The following DCDC2 variants were observed in gnomAD, a reference collection of about 807,000 sequenced individuals.
DCDC2 encodes the protein doublecortin domain-containing protein 2.
In DCDC2, 40 loss-of-function variants were observed where a neutral mutation model predicts 50.2. That is an observed-to-expected ratio of 0.80 (90% CI 0.62 to 1.04). The LOEUF is 1.04. Ranked by LOEUF, DCDC2 falls within the 50% of genes least tolerant of loss-of-function variation. The pLI is 0.00. For missense variants in DCDC2, 570 were observed against 581.9 expected, an observed-to-expected ratio of 0.98 and a Z score of 0.21; for synonymous variants, 234 against 210.6, an observed-to-expected ratio of 1.11 and a Z score of -0.96.
intron 8 of DCDC2, among the ~76,000 whole-genome samples, chr6:24,199,875 AT>A: frequency 6.6e-6 from 1 of 152,318 alleles, no homozygotes; most frequent in South Asian, 2.1e-4. Flanking sequence ...ATACGCAAGT[AT>A]CAATAGCTGA....
chr6:24,374,325 C>T, the DCDC2 span, among the ~76,000 whole-genome samples: 7 of 151,716 alleles, frequency 4.6e-5, no homozygotes, highest in Admixed American at 2.0e-4. Flanking sequence ...CCCAGTACTT[C>T]GGGAGGCCAA....
chr6:24,301,167 C>T (rs539851637), intron 4 of DCDC2, among the ~76,000 whole-genome samples: 26 of 151,776 alleles, frequency 1.7e-4, no homozygotes, highest in Admixed American at 2.6e-4. Context: ...GTCAGGAGAT[C>T]GAGCCCATCC....
intron 2 of DCDC2, among the ~76,000 whole-genome samples, chr6:24,349,159 G>A (rs1037126006): frequency 3.3e-5 from 5 of 152,162 alleles, no homozygotes; most frequent in East Asian, 3.9e-4. Flanking sequence ...GCAGAAGGAC[G>A]CTTCCATTTG....
upstream of DCDC2, among the ~76,000 whole-genome samples, chr6:24,362,384 TTA>T (rs1760682011): frequency 6.9e-6 from 1 of 143,986 alleles, no homozygotes; most frequent in African/African-American, 2.5e-5. Context: ...GTTTATACAA[TTA>T]TTTTTTATTT....
chr6:24,274,738 C>G (rs1763315469), intron 7 of DCDC2, among the ~76,000 whole-genome samples: 1 of 150,966 alleles, frequency 6.6e-6, no homozygotes, highest in African/African-American at 2.4e-5. Flanking sequence ...CAGTAAATAT[C>G]AGATATTTTT....
intron 8 of DCDC2, among the ~76,000 whole-genome samples, chr6:24,204,313 A>T (rs573502967): frequency 6.6e-6 from 1 of 152,366 alleles, no homozygotes; most frequent in East Asian, 1.9e-4. Flanking sequence ...AGCCATAAAA[A>T]AGGATGTGTT....
chr6:24,297,704 G>A (rs1759282742), intron 4 of DCDC2, among the ~76,000 whole-genome samples: 1 of 151,464 alleles, frequency 6.6e-6, no homozygotes, highest in Non-Finnish European at 1.5e-5. Context: ...AATTATATAT[G>A]TAAAAAAAAT....
chr6:24,258,016 C>T (rs919283183), intron 7 of DCDC2, among the ~76,000 whole-genome samples: 22 of 151,956 alleles, frequency 1.4e-4, no homozygotes, highest in African/African-American at 9.7e-5. Context: ...AGAGGAGACA[C>T]GGAGGGGATT....
At chr6:24,261,103 A>G (rs1762999041) in intron 7 of DCDC2, among the ~76,000 whole-genome samples, 1 of 152,016 alleles carries the variant, frequency 6.6e-6, no homozygotes, top group African/African-American at 2.4e-5. Flanking sequence ...TCATTTTAAG[A>G]TTGCAAAATT....
chr6:24,211,551 T>C (rs1761871213), intron 7 of DCDC2, among the ~76,000 whole-genome samples: 1 of 152,170 alleles, frequency 6.6e-6, no homozygotes, highest in African/African-American at 2.4e-5. Context: ...TTGTGGCTTA[T>C]TCATGTGAAC....
At chr6:24,242,000 C>T (rs1387226687) in intron 7 of DCDC2, among the ~76,000 whole-genome samples, 1 of 152,032 alleles carries the variant, frequency 6.6e-6, no homozygotes, top group African/African-American at 2.4e-5. Flanking sequence ...AGCAAGACCC[C>T]ATCTCTACCA....
chr6:24,243,549 T>C lies in DCDC2; in HGVS notation c.922+34500A>G, dbSNP rs541516366. Among the ~76,000 whole-genome samples, 3 of 144,112 alleles carry C rather than the reference T, an allele frequency of 2.1e-5. No individual in the cohort carries two copies. In the East Asian group the frequency reaches 5.8e-4, roughly 28 times the overall value. The allele number at this position is 144,112 out of a possible 152,430, so 94.5% of individuals were successfully genotyped here. ...GCCATCTTATGAGTGTTAGCTATTGTTATTATTATTATGGCTCTCATTTTT... is the reference window on the plus strand; with the variant it reads ...GCCATCTTATGAGTGTTAGCTATTGCTATTATTATTATGGCTCTCATTTTT... On this transcript the variant is annotated intron_variant, in intron 7 of 9. Transcript: ENST00000378454.
chr6:24,314,452 G>A (rs778378280), intron 2 of DCDC2, among the ~76,000 whole-genome samples: 4 of 151,860 alleles, frequency 2.6e-5, no homozygotes, highest in Non-Finnish European at 5.9e-5. Context: ...ATTCCAGTCT[G>A]GGCAACAGAG....
At chr6:24,232,925 C>G (rs1448886647) in intron 7 of DCDC2, among the ~76,000 whole-genome samples, 1 of 152,060 alleles carries the variant, frequency 6.6e-6, no homozygotes, top group African/African-American at 2.4e-5. Context: ...TAGGAACAAC[C>G]TGGCAAAAAA....
intron 2 of DCDC2, among the ~76,000 whole-genome samples, chr6:24,336,818 C>A (rs1040612846): frequency 1.3e-5 from 2 of 151,972 alleles, no homozygotes; most frequent in African/African-American, 4.8e-5. Flanking sequence ...TTTGTAACAT[C>A]AGCAACAACA....
chr6:24,190,806 G>C (rs185363627), intron 8 of DCDC2, among the ~76,000 whole-genome samples: 198 of 152,306 alleles, frequency 1.3e-3, no homozygotes, highest in African/African-American at 4.6e-3. Flanking sequence ...TTCAATAAGA[G>C]TATATGACTT....
At chr6:24,342,967 TG>T (rs1209587934) in intron 2 of DCDC2, among the ~76,000 whole-genome samples, 2 of 152,148 alleles carry the variant, frequency 1.3e-5, no homozygotes, top group Non-Finnish European at 2.9e-5. Context: ...ACAATTACCT[TG>T]TTGTCATTTC....
At chr6:24,207,211 A>G (rs1207729306) in intron 7 of DCDC2, among the ~76,000 whole-genome samples, 1 of 150,968 alleles carries the variant, frequency 6.6e-6, no homozygotes, top group Non-Finnish European at 1.5e-5. Context: ...AGCCATCACT[A>G]ATATTTTGAC....
rs561712353 is a variant in DCDC2, at chr6:24,334,959, A to G, written c.348+18610T>C. ...AGCAGTCACAAGAGGGCGGCACAGC[A>G]AACATGGTAACCACAATCAATGGAT... On this transcript the variant is annotated intron_variant, in intron 2 of 9. Transcript: ENST00000378454. Among the ~76,000 whole-genome samples the G allele has an allele frequency of 4.6e-5, 7 of 152,342 alleles. No homozygotes were observed. In the South Asian group the frequency reaches 1.5e-3, roughly 32 times the overall value.
Sources: gnomAD v4.1 joint callset for allele counts (sites outside exome capture counted in the v4.1 genomes callset) on GRCh38, gnomAD v4.1.1 for gene constraint, MANE v1.5 for transcripts, NCBI Gene and HGNC (gene_info 2026-07-23, HGNC 2026-07-21) for gene names.